Variants in LAS1L observed in about 807,000 individuals in gnomAD.
LAS1L encodes the protein ribosomal biogenesis protein LAS1L.
LAS1L carries 5 observed loss-of-function variants against 57.3 expected under a neutral mutation model. The ratio of observed to expected loss-of-function variants is 0.09; its 90% CI spans 0.05 to 0.18. The LOEUF (loss-of-function observed/expected upper bound fraction) is 0.18. Among genes scored for constraint, LAS1L ranks in the 10% least tolerant of loss-of-function variants. The pLI is 1.00. For synonymous variants in LAS1L, 245 were observed against 231.7 expected, an observed-to-expected ratio of 1.06 and a Z score of -0.52; for missense variants, 360 against 568.3, an observed-to-expected ratio of 0.63 and a Z score of 3.73.
chrX:65,519,961 A>G (rs2068784476), intron 11 of LAS1L, among the ~76,000 whole-genome samples: 1 of 111,885 alleles, frequency 8.9e-6, no homozygotes, highest in African/African-American at 3.3e-5. Context: ...AGCTCTAATC[A>G]GATGAAAAGC....
chrX:65,512,992 T>G, intron 13 of LAS1L, 91 bp from the exon 14 acceptor site: 1 of 895,927 alleles, frequency 1.1e-6, no homozygotes, highest in Non-Finnish European at 1.5e-6. Flanking sequence ...ATCTGTGGGA[T>G]GGGCCCACTC....
In LAS1L at chrX:65,531,434, T is replaced by C; in HGVS notation, c.437A>G (p.Asn146Ser). Residue 146 changes from asparagine (N) to serine (S), a missense_variant, in exon 4 of 14, where the codon AAT becomes AGT. Physicochemically the swap from Asn to Ser is conservative, Grantham distance 46 (BLOSUM62 1). Around this residue, in one of 7 missense-constraint regions of LAS1L, gnomAD observed 43 missense variants for 78.0 expected, o/e 0.55. Transcript: ENST00000374811. ...VPLKCLAQEV[N>S]IPDWIVDLRH... The stretch of plus-strand genomic sequence containing the variant: ...AAGGTCAACAATCCAATCCGGAATA[T>C]TTACCTGATTACAGGGGAGGGTGTG... The C allele has an allele frequency of 5.9e-6, 7 of 1,191,619 alleles. No individual in the cohort carries two copies. Among genetic ancestry groups the C allele is most frequent in the Non-Finnish European group, 4.6e-6 (4 of 877,399 alleles).
chrX:65,533,549 A>G (rs761866371), intron 2 of LAS1L, 61 bp downstream of exon 2: 16 of 1,157,882 alleles, frequency 1.4e-5, no homozygotes, highest in African/African-American at 1.8e-5. Context: ...TGCTTATCAC[A>G]TGCCTCCCCT....
chrX:65,534,646 A>C lies in LAS1L; in HGVS notation c.70T>G (p.Tyr24Asp), dbSNP rs777149132. 11 of 1,191,258 alleles carry C rather than the reference A, an allele frequency of 9.2e-6. No homozygotes were observed. Among genetic ancestry groups the C allele is most frequent in the Admixed American group, 2.3e-5 (1 of 43,300 alleles). Residue 24 changes from tyrosine to aspartate, a missense_variant, in exon 1 of 14, where the codon TAC (tyrosine) becomes GAC (aspartate). Physicochemically the swap from Tyr to Asp is radical, Grantham distance 160. Transcript: ENST00000374811. The stretch of plus-strand genomic sequence containing the variant: ...CCTTTCCCTTTAACGCACTTTCCGT[A>C]CCACGCACTCCACACGAGATCCATC... The part of the protein sequence containing the change: ...QGMDLVWSAW[Y>D]GKCVKGKGSL...
chrX:65,519,254 C>T (rs1285454189), intron 11 of LAS1L, among the ~76,000 whole-genome samples: 2 of 111,606 alleles, frequency 1.8e-5, no homozygotes, highest in African/African-American at 3.3e-5. Flanking sequence ...GCTGAGGAGC[C>T]GTGGGAGGAA....
chrX:65,530,970 G>T (rs912851645), intron 4 of LAS1L, among the ~76,000 whole-genome samples: 4 of 111,250 alleles, frequency 3.6e-5, no homozygotes, highest in Non-Finnish European at 7.5e-5. Context: ...GCAACAGGGT[G>T]AGACTCGTCT....
At position 65,529,500 on chromosome X, in the gene LAS1L, A is replaced by G. The variant is rs192588893; in HGVS notation, c.799+94T>C. 1.0e-4 allele frequency: 98 copies of G among 968,219 alleles called. No individual in the cohort carries two copies. The Middle Eastern group carries it at 2.2e-3, about 22-fold the overall frequency. 79.8% of individuals were successfully genotyped at this position (968,219 alleles called of 1,213,427 possible). On this transcript the variant is annotated intron_variant, in intron 5 of 13. Transcript: ENST00000374811. ...TTAAGCTAAGATTCACCACAGCCCC[A>G]GAGGAAATGCTGAGCCAGGGAAATA... is the stretch of plus-strand genomic sequence containing the variant.
chrX:65,530,104 T>TA (rs764827633), intron 4 of LAS1L, among the ~76,000 whole-genome samples: 9 of 112,783 alleles, frequency 8.0e-5, no homozygotes, highest in Non-Finnish European at 1.5e-4. Flanking sequence ...TTATTGGACT[T>TA]AGAGACGAGA....
intron 11 of LAS1L, chrX:65,521,220 G>A: frequency 1.3e-6 from 1 of 752,883 alleles, no homozygotes; most frequent in South Asian, 6.8e-5. Context: ...GACTAAGAGG[G>A]TCTTGGCATC....
chrX:65,519,393 C>T (rs1371058093), intron 11 of LAS1L, among the ~76,000 whole-genome samples: 2 of 112,093 alleles, frequency 1.8e-5, no homozygotes. Context: ...CCTGGACAGG[C>T]AGCCTGGAGG....
At chrX:65,513,179 G>T (rs2068506973) in intron 13 of LAS1L, among the ~76,000 whole-genome samples, 1 of 112,199 alleles carries the variant, frequency 8.9e-6, no homozygotes, top group Non-Finnish European at 1.9e-5. Flanking sequence ...GAGCTGTTTG[G>T]GTTGAGGTAG....
rs745554285 is a variant in LAS1L, at chrX:65,529,885, G to T, written c.515-7C>A. 4 of 1,206,570 alleles carry T rather than the reference G, an allele frequency of 3.3e-6. No individual in the cohort carries two copies. Among genetic ancestry groups the T allele is most frequent in the South Asian group, 1.8e-5 (1 of 56,573 alleles). ...TCCAGGACAAAGTAGCAGCCTAGAG[G>T]GGGGAAGGCAGGCAGTGCCACAGGA... On this transcript the variant is annotated splice_region_variant and splice_polypyrimidine_tract_variant and intron_variant, in intron 4 of 13. Transcript: ENST00000374811.
intron 10 of LAS1L, 125 bp downstream of exon 10, chrX:65,523,931 G>A: frequency 1.3e-6 from 1 of 785,973 alleles, no homozygotes; most frequent in Non-Finnish European, 1.8e-6. Flanking sequence ...GGCCCTCTTG[G>A]GCAAACCTAA....
rs773997389 is a variant in LAS1L at position 65,529,666 on chromosome X, C to T, written c.727G>A (p.Asp243Asn). 3 of 1,209,845 alleles carry T rather than the reference C, an allele frequency of 2.5e-6. No individual in the cohort carries two copies. The highest frequency in any genetic ancestry group is 1.8e-5 in the South Asian group (1 of 56,824). ...TCTTCGCTGCCTTTGCTGTCTCCAT[C>T]GGCCTTTACATCTGACTCCGTACTT... ...GKSTESDVKA[D>N]GDSKGSEEVD... Residue 243 changes from aspartate (D) to asparagine (N), a missense_variant, in exon 5 of 14, where the codon GAT becomes AAT. Coordinates refer to ENST00000374811, the MANE Select transcript of LAS1L (RefSeq NM_031206.7).
intron 12 of LAS1L, among the ~76,000 whole-genome samples, chrX:65,517,580 T>C (rs1365754172): frequency 9.0e-6 from 1 of 111,582 alleles, no homozygotes; most frequent in Non-Finnish European, 1.9e-5. Flanking sequence ...AATACACACA[T>C]CAAAATCTTG....
At position 65,529,746 on chromosome X, in the gene LAS1L, T is replaced by C; in HGVS notation, c.647A>G (p.Asn216Ser). 1 of 1,211,896 alleles carries C rather than the reference T, an allele frequency of 8.3e-7. No individual in the cohort carries two copies. The highest frequency in any genetic ancestry group is 1.1e-6 in the Non-Finnish European group (1 of 895,540). Residue 216 changes from asparagine to serine, a missense_variant, in exon 5 of 14, where the codon AAC (asparagine) becomes AGC (serine). Coordinates refer to ENST00000374811, the MANE Select transcript of LAS1L (RefSeq NM_031206.7). ...IEEEDQEEDK[N>S]IVVDDITEQK... is the part of the protein sequence containing the mutation. ...TTCTGTGATGTCATCAACAACAATG[T>C]TCTTATCTTCCTCTTGATCCTCTTC...
At chrX:65,531,263 G>T in intron 4 of LAS1L, 94 bp downstream of exon 4, 1 of 553,017 alleles carries the variant, frequency 1.8e-6, no homozygotes, top group Non-Finnish European at 2.9e-6. Flanking sequence ...CTTGACTCCA[G>T]GTGGAGACCC....
intron 12 of LAS1L, among the ~76,000 whole-genome samples, chrX:65,515,718 A>G (rs1336244986): frequency 9.0e-6 from 1 of 110,874 alleles, no homozygotes; most frequent in Non-Finnish European, 1.9e-5. Flanking sequence ...TCCTTCACTC[A>G]GTGACTGTCC....
intron 13 of LAS1L, 82 bp downstream of exon 13, chrX:65,514,741 C>A: frequency 1.0e-6 from 1 of 989,216 alleles, no homozygotes; most frequent in South Asian, 2.5e-5. Context: ...GCTACCTCCC[C>A]CACCCACCTC....
Sources: allele counts gnomAD v4.1 joint callset (sites outside exome capture counted in the v4.1 genomes callset), GRCh38; gene constraint gnomAD v4.1.1; regional missense constraint gnomAD v4.1.1; transcripts MANE v1.5; gene names NCBI Gene and HGNC (gene_info 2026-07-23, HGNC 2026-07-21).